FGF2: variants seen among roughly 807,000 people sequenced by gnomAD.
FGF2 encodes fibroblast growth factor 2, also known as basic fibroblast growth factor bFGF.
FGF2 carries 13 observed loss-of-function variants against 15.9 expected under a neutral mutation model. The ratio of observed to expected loss-of-function variants is 0.82; its 90% CI spans 0.53 to 1.30. The LOEUF is 1.30. Ranked by LOEUF, FGF2 falls within the 50% of genes most tolerant of loss-of-function variation. The pLI, the probability that FGF2 is intolerant of heterozygous loss-of-function variation, is 0.00. For synonymous variants in FGF2, 90 were observed against 78.4 expected, an observed-to-expected ratio of 1.15 and a Z score of -0.78; for missense variants, 163 against 196.9, an observed-to-expected ratio of 0.83 and a Z score of 1.03.
intron 1 of FGF2, among the ~76,000 whole-genome samples, chr4:122,866,626 C>T (rs1726599493): frequency 6.6e-6 from 1 of 152,218 alleles, no homozygotes; most frequent in Admixed American, 6.5e-5. Flanking sequence ...ATCAAAACCA[C>T]AGTGAGATAT....
At chr4:122,830,153 G>C (rs1037912207) in intron 1 of FGF2, among the ~76,000 whole-genome samples, 1 of 152,218 alleles carries the variant, frequency 6.6e-6, no homozygotes, top group Non-Finnish European at 1.5e-5. Flanking sequence ...GAAAGGCCAA[G>C]TTCAACCATT....
In FGF2 at chr4:122,892,822, G is replaced by A; in HGVS notation, c.*426G>A. 1 of 1,581,956 alleles carries A rather than the reference G, an allele frequency of 6.3e-7. No homozygotes were observed. The highest frequency in any genetic ancestry group is 8.6e-7 in the Non-Finnish European group (1 of 1,159,510). Reference sequence around the variant, plus strand: ...TCTACATGTTTCTAAACATATAAATGTGAATTTAATCAATTCCTTTCATAG... The same window carrying A: ...TCTACATGTTTCTAAACATATAAATATGAATTTAATCAATTCCTTTCATAG... On this transcript the variant is annotated 3_prime_UTR_variant, in exon 3 of 3. Transcript: ENST00000644866.
In FGF2 at chr4:122,893,995, A is replaced by G. The variant is rs1196702870; in HGVS notation, c.*1599A>G. On this transcript the variant is annotated 3_prime_UTR_variant, in exon 3 of 3. Transcript: ENST00000644866. Reference sequence around the variant, plus strand: ...TATTTTTCTTGTTTGTCAAATAGTAAATGATATTTGCCCTTGCAGTAATTC... The same window carrying G: ...TATTTTTCTTGTTTGTCAAATAGTAGATGATATTTGCCCTTGCAGTAATTC... 6.6e-6 allele frequency: 1 copy of G among 152,166 alleles called. No individual in the cohort carries two copies. The highest frequency in any genetic ancestry group is 1.9e-4 in the East Asian group (1 of 5,200). The allele number at this position is 152,166 out of a possible 1,614,324, so 9.4% of individuals were successfully genotyped here. A position where few individuals can be genotyped will look rare whatever the true frequency, so the allele number is the denominator to read the frequency against.
At chr4:122,844,698 A>G (rs1344183033) in intron 1 of FGF2, among the ~76,000 whole-genome samples, 2 of 144,974 alleles carry the variant, frequency 1.4e-5, no homozygotes, top group Admixed American at 7.1e-5. Flanking sequence ...GTACGGTGGT[A>G]TAGTCATGGC....
At chr4:122,879,943 C>A (rs1413989960) in intron 2 of FGF2, among the ~76,000 whole-genome samples, 1 of 152,176 alleles carries the variant, frequency 6.6e-6, no homozygotes, top group Non-Finnish European at 1.5e-5. Context: ...TCATTCCACC[C>A]CTGGCCCCTC....
chr4:122,880,451 T>C (rs1020187984), intron 2 of FGF2, among the ~76,000 whole-genome samples: 2 of 152,052 alleles, frequency 1.3e-5, no homozygotes, highest in Non-Finnish European at 2.9e-5. Flanking sequence ...GGTTTCACCA[T>C]GTTAGCCAGG....
intron 1 of FGF2, among the ~76,000 whole-genome samples, chr4:122,828,589 G>C (rs1725697301): frequency 6.6e-6 from 1 of 152,122 alleles, no homozygotes; most frequent in Non-Finnish European, 1.5e-5. Flanking sequence ...AGGTGGAGGG[G>C]GGCTGGAAGA....
chr4:122,891,721 A>G (rs1397323849), intron 2 of FGF2, among the ~76,000 whole-genome samples: 1 of 143,540 alleles, frequency 7.0e-6, no homozygotes, highest in Non-Finnish European at 1.5e-5. Flanking sequence ...AGTATTAACA[A>G]ACCTCCTTCT....
chr4:122,891,141 T>C (rs975674214), intron 2 of FGF2, among the ~76,000 whole-genome samples: 5 of 150,504 alleles, frequency 3.3e-5, no homozygotes, highest in South Asian at 2.1e-4. Context: ...CCCAGGTTCA[T>C]GCCATTCTCC....
intron 2 of FGF2, chr4:122,882,908 C>G (rs1445231068): frequency 6.6e-6 from 1 of 152,170 alleles, no homozygotes; most frequent in Non-Finnish European, 1.5e-5. Context: ...TGCCCCACCT[C>G]AACACCAAAG....
chr4:122,883,243 C>T (rs1726995417), intron 2 of FGF2: 1 of 152,142 alleles, frequency 6.6e-6, no homozygotes, highest in Non-Finnish European at 1.5e-5. Context: ...AAGAAGAGTG[C>T]TGTGGATACA....
At chr4:122,863,148 C>T (rs1269591692) in intron 1 of FGF2, among the ~76,000 whole-genome samples, 1 of 152,172 alleles carries the variant, frequency 6.6e-6, no homozygotes, top group East Asian at 1.9e-4. Context: ...TTGCCAGCCA[C>T]CTCAGAAGCG....
At chr4:122,848,140 C>T (rs1022418616) in intron 1 of FGF2, among the ~76,000 whole-genome samples, 9 of 152,312 alleles carry the variant, frequency 5.9e-5, no homozygotes, top group Admixed American at 2.6e-4. Context: ...CCCAAGGACA[C>T]GGGTCAGAGA....
At chr4:122,865,617 A>G (rs892888993) in intron 1 of FGF2, among the ~76,000 whole-genome samples, 2 of 152,152 alleles carry the variant, frequency 1.3e-5, no homozygotes, top group Admixed American at 1.3e-4. Flanking sequence ...TGCATTGCCT[A>G]ATTTCCAAAT....
intron 1 of FGF2, among the ~76,000 whole-genome samples, chr4:122,839,625 A>G (rs1473157789): frequency 6.6e-6 from 1 of 152,170 alleles, no homozygotes; most frequent in Non-Finnish European, 1.5e-5. Flanking sequence ...AACCAGGCCC[A>G]GGTGTTAGAG....
Position 122,873,953 on chromosome 4 carries a change from T to C in FGF2, c.179-2368T>C, listed in dbSNP as rs868379280. On this transcript the variant is annotated intron_variant, in intron 1 of 2. Coordinates refer to ENST00000644866, the MANE Select transcript of FGF2 (RefSeq NM_001361665.2). ...AAAAGGTTAATGAGTAAATGAATTA[T>C]GTTTACTTTGGGTATTGAGTCACTG... 2.0e-5 allele frequency among the ~76,000 whole-genome samples: 3 copies of C among 152,242 alleles called. No individual in the cohort carries two copies. The South Asian group carries it at 6.2e-4, about 31-fold the overall frequency.
intron 1 of FGF2, among the ~76,000 whole-genome samples, chr4:122,874,795 A>G (rs889890141): frequency 3.9e-5 from 6 of 152,136 alleles, no homozygotes; most frequent in Non-Finnish European, 7.4e-5. Flanking sequence ...GAAACTTTCA[A>G]AAGTTGCTTT....
At chr4:122,886,625 A>G (rs1202964412) in intron 2 of FGF2, among the ~76,000 whole-genome samples, 1 of 152,162 alleles carries the variant, frequency 6.6e-6, no homozygotes, top group Non-Finnish European at 1.5e-5. Flanking sequence ...TTACAATCCA[A>G]TACTACATTA....
At chr4:122,851,815 G>T (rs1726237765) in intron 1 of FGF2, among the ~76,000 whole-genome samples, 1 of 152,016 alleles carries the variant, frequency 6.6e-6, no homozygotes, top group Admixed American at 6.6e-5. Context: ...TCACATATGT[G>T]CAGGTAACAG....
Sources: allele counts gnomAD v4.1 joint callset (sites outside exome capture counted in the v4.1 genomes callset), GRCh38; gene constraint gnomAD v4.1.1; transcripts MANE v1.5; gene names NCBI Gene and HGNC (gene_info 2026-07-23, HGNC 2026-07-21).